PEX3: variants seen among roughly 807,000 people sequenced by gnomAD.
PEX3 encodes peroxisomal biogenesis factor 3.
A neutral mutation model predicts 55.8 loss-of-function variants in PEX3; 30 were observed. The observed-to-expected ratio is 0.54, with a 90% CI of 0.40 to 0.73. The LOEUF is 0.73. Among genes scored for constraint, PEX3 ranks in the 30% least tolerant of loss-of-function variants. The pLI is 0.00. For synonymous variants in PEX3, 135 were observed against 148.4 expected (o/e 0.91, Z 0.66); for missense variants, 351 against 432.8 (o/e 0.81, Z 1.68).
chr6:143,466,448 C>T lies in PEX3; in HGVS notation c.288-1674C>T, dbSNP rs1779993268. Among the ~76,000 whole-genome samples, 1 of 151,946 alleles carries T rather than the reference C, an allele frequency of 6.6e-6. No homozygotes were observed. Among genetic ancestry groups the T allele is most frequent in the South Asian group, 2.1e-4 (1 of 4,828 alleles). On this transcript the variant is annotated intron_variant, in intron 3 of 11. Transcript: ENST00000367591. This position sits in a 1 kb window ranked among gnomAD's most constrained non-coding sequence, Gnocchi z 5.4. ...ACCTTTATTTTACTTAATAATGGCCCCAAAGTGCCAGAGTAATGATGCTGG... is the reference window on the plus strand; with the variant it reads ...ACCTTTATTTTACTTAATAATGGCCTCAAAGTGCCAGAGTAATGATGCTGG...
At chr6:143,470,203 C>G (rs1292695277) in intron 4 of PEX3, among the ~76,000 whole-genome samples, 1 of 152,202 alleles carries the variant, frequency 6.6e-6, no homozygotes, top group Non-Finnish European at 1.5e-5. Context: ...CCGCCTCGGC[C>G]TCCCAAAGTG....
chr6:143,480,042 T>C (rs149313612), intron 10 of PEX3, among the ~76,000 whole-genome samples: 2,766 of 152,192 alleles, frequency 0.018, 105 homozygotes, highest in Admixed American at 0.073. Flanking sequence ...CTTAAATACA[T>C]AGGGCCAGAA....
chr6:143,453,612 T>C lies in PEX3; in HGVS notation c.73+2497T>C, dbSNP rs1325561059. Among the ~76,000 whole-genome samples, 3 of 152,260 alleles carry C rather than the reference T, an allele frequency of 2.0e-5. No homozygotes were observed. In the East Asian group the frequency reaches 5.8e-4, roughly 29 times the overall value. On this transcript the variant is annotated intron_variant, in intron 1 of 11. Transcript: ENST00000367591. The surrounding 1 kb of genome is among the most constrained non-coding windows in gnomAD (Gnocchi z 4.6). ...GTTTTCTCCTTTGCTAGCTTTACAA[T>C]GTAAGGCAAGTAGAAAGGCTTCCTT...
chr6:143,474,816 A>G lies in PEX3; in HGVS notation c.778A>G (p.Thr260Ala), dbSNP rs779310922. 2 of 1,595,286 alleles carry G rather than the reference A, an allele frequency of 1.3e-6. No individual in the cohort carries two copies. Among genetic ancestry groups the G allele is most frequent in the Non-Finnish European group, 1.7e-6 (2 of 1,163,168 alleles). ...ACGLSPRDIT[T>A]IKLLNETRDM... ...TGGACTTTCTCCTCGAGACATTACC[A>G]CTATTAAACTTCTCAATGAAACTAG... Residue 260 changes from threonine to alanine, a missense_variant, in exon 9 of 12, where the codon ACT (threonine) becomes GCT (alanine). Transcript: ENST00000367591.
At position 143,462,923 on chromosome 6, in the gene PEX3, C is replaced by T. The variant is rs1470269175; in HGVS notation, c.213C>T (p.Ser71=). 3 of 1,612,096 alleles carry T rather than the reference C, an allele frequency of 1.9e-6. No homozygotes were observed. The East Asian group carries it at 6.7e-5, about 36-fold the overall frequency. The change falls in exon 3 of 12, where the codon TCC becomes TCT. Residue 71 remains serine (S), a synonymous_variant. Coordinates refer to ENST00000367591, the MANE Select transcript of PEX3 (RefSeq NM_003630.3). This position sits in a 1 kb window ranked among gnomAD's most constrained non-coding sequence, Gnocchi z 4.1. ...NQRTCNMTVL[S]MLPTLREALM... ...TTTTTGTTTGTATTACAGTGCTGTC[C>T]ATGCTTCCAACACTGAGAGAGGCCT...
rs1000989947 is a variant in PEX3 at position 143,466,135 on chromosome 6, G to C, written c.288-1987G>C. On this transcript the variant is annotated intron_variant, in intron 3 of 11. Coordinates refer to ENST00000367591, the MANE Select transcript of PEX3 (RefSeq NM_003630.3). The surrounding 1 kb of genome is among the most constrained non-coding windows in gnomAD (Gnocchi z 5.4). ...GGTGTACTACACGTTGGTTAGAAGA[G>C]AAAAGTGGCTACCATCTGTATACAA... Among the ~76,000 whole-genome samples, 6 of 152,090 alleles carry C rather than the reference G, an allele frequency of 3.9e-5. No homozygotes were observed. The highest frequency in any genetic ancestry group is 1.4e-4 in the African/African-American group (6 of 41,440).
chr6:143,466,107 A>C lies in PEX3; in HGVS notation c.288-2015A>C, dbSNP rs1009956440. Among the ~76,000 whole-genome samples the C allele has an allele frequency of 6.6e-6, 1 of 152,096 alleles. No homozygotes were observed. The highest frequency in any genetic ancestry group is 2.4e-5 in the African/African-American group (1 of 41,456). On this transcript the variant is annotated intron_variant, in intron 3 of 11. Coordinates refer to ENST00000367591, the MANE Select transcript of PEX3 (RefSeq NM_003630.3). This position sits in a 1 kb window ranked among gnomAD's most constrained non-coding sequence, Gnocchi z 5.4. ...CTACCTCCACATAGTACATCCATAC[A>C]ATGGTGTACTACACGTTGGTTAGAA...
Position 143,489,425 on chromosome 6 carries a change from T to G in PEX3, c.*199T>G. 1 of 481,176 alleles carries G rather than the reference T, an allele frequency of 2.1e-6. No individual in the cohort carries two copies. Among genetic ancestry groups the G allele is most frequent in the Non-Finnish European group, 3.8e-6 (1 of 266,100 alleles). 29.8% of individuals were successfully genotyped at this position (481,176 alleles called of 1,614,324 possible). On this transcript the variant is annotated 3_prime_UTR_variant, in exon 12 of 12. Transcript: ENST00000367591. This position sits in a 1 kb window ranked among gnomAD's most constrained non-coding sequence, Gnocchi z 5.5. ...TTAGATTCATCAACAGACCAGTTTT[T>G]GTGGGCATATATATATACACGTGCA...
rs1040356337 is a variant in PEX3 at position 143,459,686 on chromosome 6, G to A, written c.205+470G>A. Among the ~76,000 whole-genome samples the A allele has an allele frequency of 6.6e-6, 1 of 152,118 alleles. No homozygotes were observed. Among genetic ancestry groups the A allele is most frequent in the African/African-American group, 2.4e-5 (1 of 41,428 alleles). On this transcript the variant is annotated intron_variant, in intron 2 of 11. Transcript: ENST00000367591. This position sits in a 1 kb window ranked among gnomAD's most constrained non-coding sequence, Gnocchi z 4.2. ...GGGAGCCATGTGAAATGCCTGAGGC[G>A]GGAACAAGCTTGGTACTCTCAGGAC...
chr6:143,480,408 C>T (rs1205923251), intron 10 of PEX3, among the ~76,000 whole-genome samples: 1 of 152,172 alleles, frequency 6.6e-6, no homozygotes, highest in Admixed American at 6.5e-5. Context: ...ACAGCCACAA[C>T]AGCCATGATA....
rs1300595053 is a variant in PEX3 at position 143,464,419 on chromosome 6, CTAAAT to C, written c.287+1423_287+1427del. Among the ~76,000 whole-genome samples the C allele has an allele frequency of 6.6e-6, 1 of 151,650 alleles. No individual in the cohort carries two copies. The highest frequency in any genetic ancestry group is 1.5e-5 in the Non-Finnish European group (1 of 67,830). On this transcript the variant is annotated intron_variant, in intron 3 of 11. Coordinates refer to ENST00000367591, the MANE Select transcript of PEX3 (RefSeq NM_003630.3). This position sits in a 1 kb window ranked among gnomAD's most constrained non-coding sequence, Gnocchi z 5.8. The stretch of plus-strand genomic sequence containing the variant: ...CTTTTCATCCAAAGGAGGAAGTAGA[CTAAAT>C]AAATTATCGTAATTCCGGACATATT...
rs368301467 is a variant in PEX3 at position 143,490,195 on chromosome 6, GAAAT to G, written c.*972_*975del. 2.0e-3 allele frequency among the ~76,000 whole-genome samples: 308 copies of G among 152,172 alleles called. No individual in the cohort carries two copies. Among genetic ancestry groups the G allele is most frequent in the African/African-American group, 6.9e-3 (286 of 41,518 alleles). ...GCAAATAGCTTTACTTTCTGAAAAAGAAATAATTCATTATCTCTAGTAATACATC... is the reference window on the plus strand; with the variant it reads ...GCAAATAGCTTTACTTTCTGAAAAAGAATTCATTATCTCTAGTAATACATC... On this transcript the variant is annotated 3_prime_UTR_variant, in exon 12 of 12. Transcript: ENST00000367591. The surrounding 1 kb of genome is among the most constrained non-coding windows in gnomAD (Gnocchi z 6.0).
chr6:143,463,037 C>A lies in PEX3; in HGVS notation c.287+40C>A. 1 of 1,406,890 alleles carries A rather than the reference C, an allele frequency of 7.1e-7. No homozygotes were observed. The highest frequency in any genetic ancestry group is 1.0e-6 in the Non-Finnish European group (1 of 991,294). 87.2% of individuals were successfully genotyped at this position (1,406,890 alleles called of 1,614,324 possible). ...CAGCATTTTCTGTTTAAGCACTACACTTAAAGTTTATAGAATGAACTGATA... is the reference window on the plus strand; with the variant it reads ...CAGCATTTTCTGTTTAAGCACTACAATTAAAGTTTATAGAATGAACTGATA... On this transcript the variant is annotated intron_variant, in intron 3 of 11. Coordinates refer to ENST00000367591, the MANE Select transcript of PEX3 (RefSeq NM_003630.3). The surrounding 1 kb of genome is among the most constrained non-coding windows in gnomAD (Gnocchi z 5.7).
intron 8 of PEX3, 61 bp downstream of exon 8, chr6:143,472,389 C>T: frequency 1.6e-6 from 2 of 1,249,650 alleles, no homozygotes; most frequent in Non-Finnish European, 2.3e-6. Flanking sequence ...ATTTTACTCT[C>T]TTGAAATTTT....
rs1222906148 is a variant in PEX3 at position 143,471,388 on chromosome 6, T to C, written c.462T>C (p.Ile154=). 5.0e-6 allele frequency: 8 copies of C among 1,601,132 alleles called. No homozygotes were observed. Among genetic ancestry groups the C allele is most frequent in the Middle Eastern group, 3.3e-4 (2 of 6,032 alleles). The change falls in exon 6 of 12, where the codon ATT becomes ATC. Residue 154 remains isoleucine (I), a synonymous_variant. Transcript: ENST00000367591. This position sits in a 1 kb window ranked among gnomAD's most constrained non-coding sequence, Gnocchi z 5.4. ...TGTATTTCTGTTTTATACAGACAAT[T>C]CTTGCTCCCCCAGATGTCCAACAGC... ...NAAVGKNGTT[I]LAPPDVQQQY... is the part of the protein sequence containing the mutation.
chr6:143,489,211 G>A lies in PEX3; in HGVS notation c.1107G>A (p.Gln369=). 2 of 1,595,396 alleles carry A rather than the reference G, an allele frequency of 1.3e-6. No individual in the cohort carries two copies. The highest frequency in any genetic ancestry group is 1.7e-5 in the Admixed American group (1 of 59,946). The change falls in exon 12 of 12, where the codon CAG becomes CAA. Residue 369 remains glutamine (Q), a synonymous_variant. Transcript: ENST00000367591. The surrounding 1 kb of genome is among the most constrained non-coding windows in gnomAD (Gnocchi z 5.5). Reference sequence around the variant, plus strand: ...TGTATGAAGCTTTTAGTACCCCTCAGCAACTGGAGAAATGATTTTTCCTTC... The same window carrying A: ...TGTATGAAGCTTTTAGTACCCCTCAACAACTGGAGAAATGATTTTTCCTTC... ...ANVYEAFSTP[Q]QLEK is the part of the protein sequence containing the mutation.
intron 1 of PEX3, among the ~76,000 whole-genome samples, chr6:143,457,465 A>T (rs989725420): frequency 1.3e-5 from 2 of 152,196 alleles, no homozygotes; most frequent in Non-Finnish European, 2.9e-5. Context: ...ATTTTTAAGA[A>T]TATGTAATAT....
intron 3 of PEX3, among the ~76,000 whole-genome samples, chr6:143,467,022 G>A (rs1780001917): frequency 6.6e-6 from 1 of 151,960 alleles, no homozygotes; most frequent in East Asian, 1.9e-4. Context: ...GATTCTTGTT[G>A]GTAGTGTAAC....
At chr6:143,484,470 G>A (rs1780287020) in intron 10 of PEX3, among the ~76,000 whole-genome samples, 1 of 152,056 alleles carries the variant, frequency 6.6e-6, no homozygotes, top group Non-Finnish European at 1.5e-5. Flanking sequence ...AGAGAAAGAA[G>A]TGCCAGGGAT....
Sources: gnomAD v4.1 joint callset for allele counts (sites outside exome capture counted in the v4.1 genomes callset) on GRCh38, gnomAD v4.1.1 for gene constraint, Gnocchi (gnomAD v3.1) non-coding constraint, MANE v1.5 for transcripts, NCBI Gene and HGNC (gene_info 2026-07-23, HGNC 2026-07-21) for gene names.